Variants in APOLD1 observed in about 807,000 individuals in gnomAD.
APOLD1 encodes apolipoprotein L domain-containing protein 1.
APOLD1 carries 22 observed loss-of-function variants against 15.3 expected under a neutral mutation model. That is an observed-to-expected ratio of 1.44 (90% CI 1.03 to 2.05). APOLD1 has a LOEUF of 2.05. Among genes scored for constraint, APOLD1 ranks in the 30% most tolerant of loss-of-function variants. The pLI is 0.00. For missense variants in APOLD1, 394 were observed against 353.5 expected, an observed-to-expected ratio of 1.11 and a Z score of -0.92; for synonymous variants, 190 against 167.4, an observed-to-expected ratio of 1.13 and a Z score of -1.04.
At chr12:12,760,073 A>C (rs1424791174) in intron 1 of APOLD1, among the ~76,000 whole-genome samples, 1 of 152,254 alleles carries the variant, frequency 6.6e-6, no homozygotes, top group Non-Finnish European at 1.5e-5. Context: ...TGTCCAGCTC[A>C]TGCCTGTCAT....
chr12:12,774,587 A>C, intron 1 of APOLD1, among the ~76,000 whole-genome samples: 1 of 146,814 alleles, frequency 6.8e-6, no homozygotes, highest in South Asian at 2.2e-4. Flanking sequence ...AAGAAAAGAA[A>C]AGTAAAGAAA....
At chr12:12,783,547 A>C (rs1947101133), upstream of APOLD1, among the ~76,000 whole-genome samples, 1 of 151,504 alleles carries the variant, frequency 6.6e-6, no homozygotes, top group South Asian at 2.1e-4. Flanking sequence ...TCCTGACCTC[A>C]GGTGATCCAC....
rs751660240 is a variant in APOLD1 at position 12,787,081 on chromosome 12, G to T, written c.176G>T (p.Gly59Val). ...CGCTCCCTCGTAGCCAACGTGGCCG[G>T]CAGCTCGCTGAGCGCAACGGGCGCC... ...RRRSLVANVA[G>V]SSLSATGALA... Residue 59 changes from glycine to valine, a missense_variant, in exon 2 of 2, where the codon GGC becomes GTC. Physicochemically the swap from Gly to Val is moderately radical, Grantham distance 109. Transcript: ENST00000356591. The surrounding 1 kb of genome is among the most constrained non-coding windows in gnomAD (Gnocchi z 4.9). 4.0e-5 allele frequency: 56 copies of T among 1,395,826 alleles called. No individual in the cohort carries two copies. The South Asian group carries it at 8.4e-4, about 21-fold the overall frequency. 86.5% of individuals were successfully genotyped at this position (1,395,826 alleles called of 1,614,324 possible).
chr12:12,774,882 AC>A (rs1436688413), intron 1 of APOLD1, among the ~76,000 whole-genome samples: 7 of 152,210 alleles, frequency 4.6e-5, no homozygotes, highest in African/African-American at 1.7e-4. Flanking sequence ...AGTTTGGAAG[AC>A]AGTTTGGCAG....
chr12:12,731,527 C>T (rs1946641854), intron 1 of APOLD1, among the ~76,000 whole-genome samples: 2 of 152,076 alleles, frequency 1.3e-5, no homozygotes, highest in Admixed American at 1.3e-4. Context: ...TGTTTGCAAC[C>T]CACATATCAC....
chr12:12,730,002 G>A (rs1320731604), intron 1 of APOLD1, among the ~76,000 whole-genome samples: 1 of 151,136 alleles, frequency 6.6e-6, no homozygotes, highest in Non-Finnish European at 1.5e-5. Flanking sequence ...GGCTGTAGGT[G>A]CACACCACCA....
intron 1 of APOLD1, among the ~76,000 whole-genome samples, chr12:12,758,900 T>G (rs1298961763): frequency 6.6e-6 from 1 of 152,212 alleles, no homozygotes; most frequent in Non-Finnish European, 1.5e-5. Context: ...ATATATGAAT[T>G]GCCAGAGTCA....
chr12:12,779,446 A>C (rs1463474165), intron 1 of APOLD1, among the ~76,000 whole-genome samples: 1 of 152,206 alleles, frequency 6.6e-6, no homozygotes, highest in Non-Finnish European at 1.5e-5. Context: ...CATTAATATA[A>C]GCAAATTCTG....
intron 1 of APOLD1, among the ~76,000 whole-genome samples, chr12:12,775,983 G>A: frequency 8.6e-6 from 1 of 115,856 alleles, no homozygotes; most frequent in Non-Finnish European, 1.6e-5. Context: ...CAGCTTGGGT[G>A]ACAGGGTGAG....
At chr12:12,729,993 G>A (rs1432708809) in intron 1 of APOLD1, among the ~76,000 whole-genome samples, 1 of 150,914 alleles carries the variant, frequency 6.6e-6, no homozygotes, top group Non-Finnish European at 1.5e-5. Context: ...AGTAGCTAGG[G>A]CTGTAGGTGC....
intron 1 of APOLD1, among the ~76,000 whole-genome samples, chr12:12,742,745 C>T (rs926995022): frequency 7.3e-6 from 1 of 137,436 alleles, no homozygotes; most frequent in Non-Finnish European, 1.5e-5. Context: ...GCCTGGGCGA[C>T]AGAGCAAGAC....
intron 1 of APOLD1, among the ~76,000 whole-genome samples, chr12:12,747,691 A>C (rs1946777167): frequency 6.6e-6 from 1 of 152,240 alleles, no homozygotes; most frequent in South Asian, 2.1e-4. Context: ...AGTTGGCTGT[A>C]AAATTTAAAA....
upstream of APOLD1, among the ~76,000 whole-genome samples, chr12:12,784,972 G>C (rs571145996): frequency 5.9e-5 from 9 of 152,330 alleles, no homozygotes; most frequent in Non-Finnish European, 1.0e-4. Context: ...TATTGTGGTT[G>C]AAAGTGTACA....
At chr12:12,760,083 T>C (rs1946885089) in intron 1 of APOLD1, among the ~76,000 whole-genome samples, 1 of 152,228 alleles carries the variant, frequency 6.6e-6, no homozygotes, top group Non-Finnish European at 1.5e-5. Flanking sequence ...ATGCCTGTCA[T>C]CCCAGCACTT....
chr12:12,765,069 G>A (rs951618265), intron 1 of APOLD1, among the ~76,000 whole-genome samples: 1 of 152,138 alleles, frequency 6.6e-6, no homozygotes, highest in Non-Finnish European at 1.5e-5. Context: ...TGGGAGAGGA[G>A]TTTTATGCAA....
intron 1 of APOLD1, among the ~76,000 whole-genome samples, chr12:12,754,523 C>T (rs1488515634): frequency 1.3e-5 from 2 of 151,956 alleles, no homozygotes; most frequent in African/African-American, 2.4e-5. Context: ...AATCTCGGCT[C>T]ACTGCAACCT....
At chr12:12,754,097 G>C (rs1222143255) in intron 1 of APOLD1, among the ~76,000 whole-genome samples, 1 of 150,684 alleles carries the variant, frequency 6.6e-6, no homozygotes, top group Non-Finnish European at 1.5e-5. Flanking sequence ...CAGCTACTTG[G>C]GAGGCTGAGG....
chr12:12,731,323 G>A (rs1387314925), intron 1 of APOLD1, among the ~76,000 whole-genome samples: 7 of 152,140 alleles, frequency 4.6e-5, no homozygotes, highest in African/African-American at 1.4e-4. Context: ...ATTTAATAAA[G>A]AGAATTAGAT....
chr12:12,782,294 C>A (rs12316107), upstream of APOLD1, among the ~76,000 whole-genome samples: 13,398 of 108,256 alleles, frequency 0.12, 682 homozygotes, highest in Admixed American at 0.17. Context: ...AACAAACAAA[C>A]ACTACCAGTT....
Sources: gnomAD v4.1 joint callset for allele counts (sites outside exome capture counted in the v4.1 genomes callset) on GRCh38, gnomAD v4.1.1 for gene constraint, Gnocchi (gnomAD v3.1) non-coding constraint, MANE v1.5 for transcripts, NCBI Gene and HGNC (gene_info 2026-07-23, HGNC 2026-07-21) for gene names.